The following RC3H2 variants were observed in gnomAD, a reference collection of about 807,000 sequenced individuals.
The protein encoded by RC3H2 is ring finger and CCCH-type domains 2.
Under a neutral mutation model 133.3 loss-of-function variants are expected in RC3H2, and 31 were observed. The observed-to-expected ratio is 0.23, with a 90% CI of 0.17 to 0.31. The LOEUF is 0.31. Among genes scored for constraint, RC3H2 ranks in the 10% least tolerant of loss-of-function variants. The probability of loss-of-function intolerance (pLI) is 1.00; values close to 1 mark genes in which losing one functional copy is unlikely to be tolerated. For missense variants in RC3H2, 1,175 were observed against 1,437.2 expected, an observed-to-expected ratio of 0.82 and a Z score of 2.95; for synonymous variants, 517 against 502.2, an observed-to-expected ratio of 1.03 and a Z score of -0.40.
rs1196986141 is a variant in RC3H2 at position 122,865,394 on chromosome 9, T to A, written c.1589A>T (p.Asn530Ile). 6.2e-7 allele frequency: 1 copy of A among 1,614,074 alleles called. No homozygotes were observed. Among genetic ancestry groups the A allele is most frequent in the Non-Finnish European group, 8.5e-7 (1 of 1,179,900 alleles). Residue 530 changes from asparagine (N) to isoleucine (I), a missense_variant, in exon 10 of 21, where the codon AAT becomes ATT. Physicochemically the swap from Asn to Ile is moderately radical, Grantham distance 149. This residue lies in a region of RC3H2 where 490 missense variants were observed against 492.8 expected (regional missense o/e 0.99). Coordinates refer to ENST00000357244, the MANE Select transcript of RC3H2 (RefSeq NM_001100588.3). ...AGAGGGCCCAGCAGCATTCTGACCATTAGCGCCAACCTTTCCCACTTTCTT... is the reference window on the plus strand; with the variant it reads ...AGAGGGCCCAGCAGCATTCTGACCAATAGCGCCAACCTTTCCCACTTTCTT... ...TVKKVGKVGA[N>I]GQNAAGPSAD...
Position 122,868,884 on chromosome 9 carries a change from TGTGTGTATG to T in RC3H2, c.1326-3236_1326-3228del, listed in dbSNP as rs1161077220. Among the ~76,000 whole-genome samples the T allele has an allele frequency of 4.4e-3, 90 of 20,452 alleles. 2 individuals are homozygous for T. The South Asian group carries it at 0.056, about 13-fold the overall frequency. The allele number at this position is 20,452 out of a possible 152,430, so 13.4% of individuals were successfully genotyped here. A position where few individuals can be genotyped will look rare whatever the true frequency, so the allele number is the denominator to read the frequency against. ...GTGTGTGTGTGTGTGTGTGTGTGTG[TGTGTGTATG>T]TGTTTTTTTTTTTTTTTTTTGTGGG... On this transcript the variant is annotated intron_variant, in intron 9 of 20. Coordinates refer to ENST00000357244, the MANE Select transcript of RC3H2 (RefSeq NM_001100588.3).
intron 2 of RC3H2, among the ~76,000 whole-genome samples, chr9:122,896,734 A>G (rs545888321): frequency 6.7e-6 from 1 of 149,492 alleles, no homozygotes; most frequent in African/African-American, 2.6e-5. Flanking sequence ...TTAAAGCCAC[A>G]TAAGATGGCT....
chr9:122,890,185 A>G, intron 4 of RC3H2, 127 bp downstream of exon 4: 1 of 727,726 alleles, frequency 1.4e-6, no homozygotes, highest in Non-Finnish European at 2.3e-6. Context: ...AAACAAATTT[A>G]TCTTTAATTA....
At chr9:122,903,936 G>A (rs913869019) in intron 1 of RC3H2, among the ~76,000 whole-genome samples, 28 of 152,252 alleles carry the variant, frequency 1.8e-4, no homozygotes, top group African/African-American at 9.6e-5. Flanking sequence ...TCTTAATATC[G>A]TAAAAAGCTT....
chr9:122,858,720 C>T lies in RC3H2; in HGVS notation c.2232G>A (p.Ser744=), dbSNP rs371930038. The change falls in exon 12 of 21, where the codon TCG becomes TCA. Residue 744 remains serine, a synonymous_variant. Transcript: ENST00000357244. ...ERYNSLDGYY[S]VACQPPSEPR... is the part of the protein sequence containing the mutation. ...GCTCACTTGGTGGCTGACAAGCCACCGAATAATATCCATCTAATGAGTTAT... is the reference window on the plus strand; with the variant it reads ...GCTCACTTGGTGGCTGACAAGCCACTGAATAATATCCATCTAATGAGTTAT... 20 of 1,613,406 alleles carry T rather than the reference C, an allele frequency of 1.2e-5. No homozygotes were observed. Among genetic ancestry groups the T allele is most frequent in the African/African-American group, 6.7e-5 (5 of 74,928 alleles).
chr9:122,887,211 T>C lies in RC3H2; in HGVS notation c.583+3101A>G, dbSNP rs1050490590. On this transcript the variant is annotated intron_variant, in intron 4 of 20. Transcript: ENST00000357244. ...ATTGTATCATTTTCTAAATGTATTA[T>C]TAGTTTGAATTCAGCTAAAAGAGGA... Among the ~76,000 whole-genome samples, 8 of 152,340 alleles carry C rather than the reference T, an allele frequency of 5.3e-5. No individual in the cohort carries two copies. The East Asian group carries it at 1.3e-3, about 26-fold the overall frequency.
At chr9:122,884,993 A>G (rs1831847548) in intron 4 of RC3H2, among the ~76,000 whole-genome samples, 1 of 152,252 alleles carries the variant, frequency 6.6e-6, no homozygotes, top group African/African-American at 2.4e-5. Flanking sequence ...AAACGTATAG[A>G]AAGTGATCTT....
At chr9:122,894,116 G>A (rs575363827) in intron 2 of RC3H2, among the ~76,000 whole-genome samples, 3 of 151,890 alleles carry the variant, frequency 2.0e-5, no homozygotes, top group Admixed American at 6.6e-5. Context: ...AAAATTAGCC[G>A]GGCGTGGTGG....
At chr9:122,885,318 A>C (rs1831868652) in intron 4 of RC3H2, among the ~76,000 whole-genome samples, 1 of 152,240 alleles carries the variant, frequency 6.6e-6, no homozygotes. Context: ...TATATAAAAA[A>C]TTCTCTGCAT....
intron 2 of RC3H2, among the ~76,000 whole-genome samples, chr9:122,896,137 AAC>A (rs1340420982): frequency 4.5e-5 from 5 of 110,998 alleles, no homozygotes; most frequent in East Asian, 6.2e-4. Context: ...AAAAAAAAAA[AAC>A]TTTACGAATT....
chr9:122,897,599 A>G, intron 1 of RC3H2, 23 bp from the exon 2 acceptor site: 2 of 1,465,774 alleles, frequency 1.4e-6, no homozygotes, highest in South Asian at 2.7e-5. Flanking sequence ...AAAAGTATGA[A>G]TTAACCACAT....
chr9:122,889,490 C>T (rs549362916), intron 4 of RC3H2, among the ~76,000 whole-genome samples: 3 of 152,162 alleles, frequency 2.0e-5, no homozygotes, highest in Admixed American at 6.6e-5. Context: ...AAATTCTACC[C>T]GAACTGTAGT....
chr9:122,878,983 C>T (rs1831470452), intron 8 of RC3H2, among the ~76,000 whole-genome samples: 1 of 150,300 alleles, frequency 6.7e-6, no homozygotes, highest in African/African-American at 2.4e-5. Flanking sequence ...TCTCGAACTT[C>T]TGGCCTCAAG....
chr9:122,864,362 A>G (rs1341705435), intron 10 of RC3H2, among the ~76,000 whole-genome samples: 2 of 152,186 alleles, frequency 1.3e-5, no homozygotes, highest in African/African-American at 2.4e-5. Context: ...GCTGACACTC[A>G]GTAACAATTA....
intron 8 of RC3H2, 95 bp from the exon 9 acceptor site, chr9:122,877,678 A>C (rs2131452080): frequency 1.2e-6 from 1 of 859,588 alleles, no homozygotes; most frequent in Non-Finnish European, 1.9e-6. Context: ...TACACCTTTA[A>C]TTCTTTTTCA....
Position 122,851,213 on chromosome 9 carries a change from T to C in RC3H2, c.3248A>G (p.Gln1083Arg). Residue 1083 changes from glutamine to arginine, a missense_variant, in exon 20 of 21, where the codon CAG (glutamine) becomes CGG (arginine). Gln to Arg is a conservative substitution (Grantham distance 43). This residue lies in a region of RC3H2 where 220 missense variants were observed against 201.1 expected (regional missense o/e 1.09). Coordinates refer to ENST00000357244, the MANE Select transcript of RC3H2 (RefSeq NM_001100588.3). ...SEPIEEILDI[Q>R]LGISSQNDQL... is the part of the protein sequence containing the mutation. ...ATCATTTTGAGAACTGATACCAAGC[T>C]GTATGTCCAAGATCTCCTAAGAAAA... 6.2e-7 allele frequency: 1 copy of C among 1,614,120 alleles called. No homozygotes were observed. Among genetic ancestry groups the C allele is most frequent in the Non-Finnish European group, 8.5e-7 (1 of 1,179,972 alleles).
intron 15 of RC3H2, among the ~76,000 whole-genome samples, chr9:122,854,885 C>A (rs1220997653): frequency 6.6e-6 from 1 of 152,118 alleles, no homozygotes; most frequent in Admixed American, 6.5e-5. Flanking sequence ...GGGTGGATCA[C>A]ATGAGGCCAG....
chr9:122,870,501 G>A (rs1313244961), intron 9 of RC3H2, among the ~76,000 whole-genome samples: 1 of 152,088 alleles, frequency 6.6e-6, no homozygotes, highest in Admixed American at 6.6e-5. Flanking sequence ...TCAAAAAAGA[G>A]TCAGGAGAAA....
At chr9:122,895,269 C>G (rs1319356182) in intron 2 of RC3H2, among the ~76,000 whole-genome samples, 1 of 151,956 alleles carries the variant, frequency 6.6e-6, no homozygotes, top group South Asian at 2.1e-4. Flanking sequence ...AAGTGAACCT[C>G]CCATCTCACC....
Sources: allele counts gnomAD v4.1 joint callset (sites outside exome capture counted in the v4.1 genomes callset), GRCh38; gene constraint gnomAD v4.1.1; regional missense constraint gnomAD v4.1.1; transcripts MANE v1.5; gene names NCBI Gene and HGNC (gene_info 2026-07-23, HGNC 2026-07-21).